The following NCAM2 variants were observed in gnomAD, a reference collection of about 807,000 sequenced individuals.
The protein encoded by NCAM2 is neural cell adhesion molecule 2.
In NCAM2, 30 loss-of-function variants were observed where a neutral mutation model predicts 98.1. That is an observed-to-expected ratio of 0.31 (90% CI 0.23 to 0.41). NCAM2 has a LOEUF of 0.41. Ranked by LOEUF, NCAM2 falls within the 10% of genes least tolerant of loss-of-function variation. NCAM2 has a pLI of 1.00. For missense variants in NCAM2, 867 were observed against 1,005.8 expected, an observed-to-expected ratio of 0.86 and a Z score of 1.87; for synonymous variants, 368 against 342.4, an observed-to-expected ratio of 1.07 and a Z score of -0.83.
In NCAM2 at chr21:21,134,500, G is replaced by A. The variant is rs190864753; in HGVS notation, c.55+135882G>A. Among the ~76,000 whole-genome samples, 11 of 152,160 alleles carry A rather than the reference G, an allele frequency of 7.2e-5. No individual in the cohort carries two copies. The East Asian group carries it at 1.9e-3, about 27-fold the overall frequency. ...TCTATAGGAGTTAAAGAGCCTAATGGTCCATTAAACTCTGAATATCTACAG... is the reference window on the plus strand; with the variant it reads ...TCTATAGGAGTTAAAGAGCCTAATGATCCATTAAACTCTGAATATCTACAG... On this transcript the variant is annotated intron_variant, in intron 1 of 17. Coordinates refer to ENST00000400546, the MANE Select transcript of NCAM2 (RefSeq NM_004540.5).
At chr21:21,482,558 A>T (rs1173977091) in intron 15 of NCAM2, among the ~76,000 whole-genome samples, 3 of 151,878 alleles carry the variant, frequency 2.0e-5, no homozygotes, top group African/African-American at 4.8e-5. Flanking sequence ...TATGTATATT[A>T]GATATATTTA....
chr21:21,125,380 A>ATATTTTACATATATATGTAATAT (rs1569049005), intron 1 of NCAM2, among the ~76,000 whole-genome samples: 3 of 127,932 alleles, frequency 2.3e-5, no homozygotes, highest in Non-Finnish European at 3.6e-5. Flanking sequence ...TGTAATATAT[A>ATATTTTACATATATATGTAATAT]ATATTTTACA....
chr21:21,537,684 T>G (rs1379722386), intron 17 of NCAM2, among the ~76,000 whole-genome samples, 162 bp from the exon 18 acceptor site: 1 of 152,122 alleles, frequency 6.6e-6, no homozygotes, highest in East Asian at 1.9e-4. Flanking sequence ...CCTTTCTAAT[T>G]ATTGTAGCAC....
chr21:21,295,377 T>C (rs568422902), intron 5 of NCAM2, among the ~76,000 whole-genome samples: 5 of 151,832 alleles, frequency 3.3e-5, no homozygotes, highest in Admixed American at 1.3e-4. Context: ...TCTTAATGTG[T>C]TTTTCAATGC....
chr21:21,506,378 A>T (rs941740943), intron 15 of NCAM2, among the ~76,000 whole-genome samples: 5 of 152,146 alleles, frequency 3.3e-5, no homozygotes, highest in African/African-American at 4.8e-5. Flanking sequence ...CTGTATTGTA[A>T]TGATAGATTC....
At chr21:21,415,440 G>A (rs1038097624) in intron 10 of NCAM2, among the ~76,000 whole-genome samples, 3 of 141,814 alleles carry the variant, frequency 2.1e-5, no homozygotes, top group Non-Finnish European at 4.5e-5. Flanking sequence ...GGTTCACACC[G>A]TTCTCCTGCC....
chr21:21,246,911 A>G (rs1234843345), intron 1 of NCAM2, among the ~76,000 whole-genome samples: 1 of 152,232 alleles, frequency 6.6e-6, no homozygotes, highest in Non-Finnish European at 1.5e-5. Flanking sequence ...ATTATGGGCT[A>G]GCATGTGAAT....
In NCAM2 at chr21:21,265,377, C is replaced by A. The variant is rs1193630913; in HGVS notation, c.56-15201C>A. On this transcript the variant is annotated intron_variant, in intron 1 of 17. Transcript: ENST00000400546. ...ATATATTATATTATATATACACATA[C>A]ACATATATGTACACACCATATATTA... Among the ~76,000 whole-genome samples, 5 of 1,096 alleles carry A rather than the reference C, an allele frequency of 4.6e-3. No individual in the cohort carries two copies. In the South Asian group the frequency reaches 0.23, roughly 50 times the overall value. The allele number at this position is 1,096 out of a possible 152,430, so 0.7% of individuals were successfully genotyped here. A position where few individuals can be genotyped will look rare whatever the true frequency, so the allele number is the denominator to read the frequency against.
chr21:21,390,423 T>C (rs1448993193), intron 9 of NCAM2, among the ~76,000 whole-genome samples: 1 of 152,072 alleles, frequency 6.6e-6, no homozygotes, highest in East Asian at 1.9e-4. Context: ...TCAGATCATA[T>C]TTTAAGTGAA....
At chr21:21,399,880 C>T (rs2076592227) in intron 9 of NCAM2, among the ~76,000 whole-genome samples, 1 of 151,964 alleles carries the variant, frequency 6.6e-6, no homozygotes, top group Admixed American at 6.6e-5. Context: ...ATTTCAGAGC[C>T]AAAGGAGGAA....
chr21:21,125,788 T>C (rs1360853425), intron 1 of NCAM2, among the ~76,000 whole-genome samples: 1 of 149,678 alleles, frequency 6.7e-6, no homozygotes, highest in Non-Finnish European at 1.5e-5. Flanking sequence ...AACCTACTTT[T>C]CAAAATTGTT....
rs200083778 is a variant in NCAM2, at chr21:21,147,777, G to GGT, written c.56-132796_56-132795dup. 1.5e-3 allele frequency among the ~76,000 whole-genome samples: 216 copies of GGT among 140,130 alleles called. 5 individuals carry two copies. The East Asian group carries it at 0.043, about 28-fold the overall frequency. 91.9% of individuals were successfully genotyped at this position (140,130 alleles called of 152,430 possible). A position where few individuals can be genotyped will look rare whatever the true frequency, so the allele number is the denominator to read the frequency against. On this transcript the variant is annotated intron_variant, in intron 1 of 17. Coordinates refer to ENST00000400546, the MANE Select transcript of NCAM2 (RefSeq NM_004540.5). ...TTTTTGATGTGTGTGCATATGCACT[G>GGT]GTGTGTATATATATAAATTTATTGA...
intron 12 of NCAM2, among the ~76,000 whole-genome samples, chr21:21,460,739 T>A (rs1355566446): frequency 2.6e-5 from 4 of 151,876 alleles, no homozygotes; most frequent in Non-Finnish European, 5.9e-5. Flanking sequence ...CCTCACAAGA[T>A]CCTTATAATA....
At chr21:21,196,277 A>G (rs1034976979) in intron 1 of NCAM2, among the ~76,000 whole-genome samples, 1 of 152,096 alleles carries the variant, frequency 6.6e-6, no homozygotes, top group Non-Finnish European at 1.5e-5. Context: ...TCCTGGGTCA[A>G]CCCACATCCA....
chr21:21,354,395 C>T (rs2075416973), intron 8 of NCAM2, among the ~76,000 whole-genome samples: 1 of 152,130 alleles, frequency 6.6e-6, no homozygotes, highest in Non-Finnish European at 1.5e-5. Flanking sequence ...TGTCCTCTTT[C>T]TTCTTTAAAT....
intron 1 of NCAM2, among the ~76,000 whole-genome samples, chr21:21,049,013 A>ATT (rs61325994): frequency 0.72 from 96,109 of 133,224 alleles, 35,483 homozygotes; most frequent in South Asian, 0.84. Flanking sequence ...TTTACTATTA[A>ATT]TTTTTTTTTT....
At chr21:21,425,428 A>G (rs2077196351) in intron 11 of NCAM2, among the ~76,000 whole-genome samples, 2 of 152,178 alleles carry the variant, frequency 1.3e-5, no homozygotes, top group African/African-American at 4.8e-5. Flanking sequence ...TGATTTGCTT[A>G]TGACCCATTG....
At chr21:21,450,439 G>T (rs1482097821) in intron 12 of NCAM2, among the ~76,000 whole-genome samples, 1 of 151,762 alleles carries the variant, frequency 6.6e-6, no homozygotes, top group Non-Finnish European at 1.5e-5. Flanking sequence ...CCAAAACCTG[G>T]GCTCAAGCGA....
chr21:21,170,460 A>C (rs2068086216), intron 1 of NCAM2, among the ~76,000 whole-genome samples: 1 of 152,218 alleles, frequency 6.6e-6, no homozygotes, highest in Admixed American at 6.5e-5. Flanking sequence ...CAAGTAAAGA[A>C]GCCAATCTGA....
Sources: allele counts gnomAD v4.1 joint callset (sites outside exome capture counted in the v4.1 genomes callset), GRCh38; gene constraint gnomAD v4.1.1; transcripts MANE v1.5; gene names NCBI Gene and HGNC (gene_info 2026-07-23, HGNC 2026-07-21).